ATF7IP2: variants seen among roughly 807,000 people sequenced by gnomAD.
ATF7IP2 encodes the protein activating transcription factor 7-interacting protein 2.
ATF7IP2 carries 42 observed loss-of-function variants against 64.2 expected under a neutral mutation model. The ratio of observed to expected loss-of-function variants is 0.65; its 90% CI spans 0.51 to 0.85. The LOEUF (loss-of-function observed/expected upper bound fraction) is 0.85. Ranked by LOEUF, ATF7IP2 falls within the 40% of genes least tolerant of loss-of-function variation. The pLI, the probability that ATF7IP2 is intolerant of heterozygous loss-of-function variation, is 0.00. For synonymous variants in ATF7IP2, 308 were observed against 272.8 expected, an observed-to-expected ratio of 1.13 and a Z score of -1.27; for missense variants, 933 against 784.2, an observed-to-expected ratio of 1.19 and a Z score of -2.27.
chr16:10,417,958 G>T (rs375886339), intron 2 of ATF7IP2, among the ~76,000 whole-genome samples: 1 of 152,200 alleles, frequency 6.6e-6, no homozygotes, highest in Non-Finnish European at 1.5e-5. Context: ...CACGTCGGTC[G>T]TGGAGACCCT....
At chr16:10,418,298 C>G (rs1037396283) in intron 2 of ATF7IP2, among the ~76,000 whole-genome samples, 1 of 152,204 alleles carries the variant, frequency 6.6e-6, no homozygotes, top group Non-Finnish European at 1.5e-5. Flanking sequence ...TTCTGGTAAA[C>G]CAACAACCTT....
intron 3 of ATF7IP2, among the ~76,000 whole-genome samples, chr16:10,423,046 C>T (rs1457291370): frequency 1.3e-5 from 2 of 152,206 alleles, no homozygotes; most frequent in African/African-American, 2.4e-5. Context: ...AGATCAAGAC[C>T]ATCCTGGCTA....
At chr16:10,481,529 A>G (rs1057088546) in intron 13 of ATF7IP2, among the ~76,000 whole-genome samples, 7 of 152,148 alleles carry the variant, frequency 4.6e-5, no homozygotes, top group Admixed American at 3.3e-4. Flanking sequence ...AGGTGAGGCA[A>G]TGCACCCAGC....
At chr16:10,455,249 G>C (rs1465694598) in intron 8 of ATF7IP2, among the ~76,000 whole-genome samples, 1 of 152,160 alleles carries the variant, frequency 6.6e-6, no homozygotes, top group Non-Finnish European at 1.5e-5. Context: ...TGGATTATCT[G>C]TGTGGGCTCA....
At chr16:10,394,083 A>C (rs967727127) in intron 1 of ATF7IP2, among the ~76,000 whole-genome samples, 1 of 152,222 alleles carries the variant, frequency 6.6e-6, no homozygotes, top group Non-Finnish European at 1.5e-5. Flanking sequence ...AAACAATCCC[A>C]TGAAATGGCA....
chr16:10,456,231 G>A (rs550350467), intron 8 of ATF7IP2, among the ~76,000 whole-genome samples: 7 of 152,284 alleles, frequency 4.6e-5, no homozygotes, highest in African/African-American at 1.4e-4. Context: ...GAAACAAACT[G>A]TTTAGCAGAA....
At chr16:10,428,038 G>A (rs1482417259) in intron 3 of ATF7IP2, among the ~76,000 whole-genome samples, 1 of 152,104 alleles carries the variant, frequency 6.6e-6, no homozygotes, top group East Asian at 1.9e-4. Context: ...ATTAGCTATA[G>A]TTTGCTCAAC....
intron 2 of ATF7IP2, among the ~76,000 whole-genome samples, chr16:10,417,192 A>C (rs1270760722): frequency 6.6e-6 from 1 of 151,814 alleles, no homozygotes; most frequent in Non-Finnish European, 1.5e-5. Flanking sequence ...ACAACTAGGT[A>C]ATAATCGATA....
At chr16:10,472,208 G>A in intron 10 of ATF7IP2, 25 bp downstream of exon 10, 2 of 1,281,466 alleles carry the variant, frequency 1.6e-6, no homozygotes, top group Non-Finnish European at 2.2e-6. Context: ...ATTAGAATAT[G>A]ATCTATCAAG....
intron 8 of ATF7IP2, among the ~76,000 whole-genome samples, chr16:10,442,249 C>T (rs1399267675): frequency 2.0e-5 from 3 of 152,170 alleles, no homozygotes; most frequent in Non-Finnish European, 4.4e-5. Flanking sequence ...GAGGGTGAAA[C>T]CCTTATGAAG....
chr16:10,429,772 TTTTAA>T (rs139599655), intron 4 of ATF7IP2, among the ~76,000 whole-genome samples: 18 of 146,946 alleles, frequency 1.2e-4, no homozygotes, highest in East Asian at 2.0e-4. Context: ...TTTTATTTTA[TTTTAA>T]TTTAATTTAA....
intron 13 of ATF7IP2, among the ~76,000 whole-genome samples, chr16:10,481,436 C>T (rs1198212145): frequency 6.6e-6 from 1 of 151,668 alleles, no homozygotes; most frequent in Non-Finnish European, 1.5e-5. Flanking sequence ...AGGCACGCAC[C>T]ACCACGCACA....
Position 10,430,567 on chromosome 16 carries a change from A to T in ATF7IP2, c.-10-44A>T, listed in dbSNP as rs146362528. On this transcript the variant is annotated intron_variant, in intron 4 of 13. Coordinates refer to ENST00000562102, the MANE Select transcript of ATF7IP2 (RefSeq NM_001393719.1). ...TTTAATTCAGTAGTAAATAACTTTTATTCACTAGAGAAATGCATTTAAATA... is the reference window on the plus strand; with the variant it reads ...TTTAATTCAGTAGTAAATAACTTTTTTTCACTAGAGAAATGCATTTAAATA... The T allele has an allele frequency of 6.9e-4, 859 of 1,235,992 alleles. 10 individuals are homozygous for T. The African/African-American group carries it at 0.011, about 16-fold the overall frequency. 76.6% of individuals were successfully genotyped at this position (1,235,992 alleles called of 1,614,324 possible). A position where few individuals can be genotyped will look rare whatever the true frequency, so the allele number is the denominator to read the frequency against.
rs561803252 is a variant in ATF7IP2 at position 10,432,535 on chromosome 16, G to A, written c.836-990G>A. On this transcript the variant is annotated intron_variant, in intron 5 of 13. Coordinates refer to ENST00000562102, the MANE Select transcript of ATF7IP2 (RefSeq NM_001393719.1). ...GCAGGAGGATCGCTTGAGCCATCCA[G>A]GCTAGCCTGGGCAACAGATCCAAGA... is the stretch of plus-strand genomic sequence containing the variant. 6.3e-4 allele frequency among the ~76,000 whole-genome samples: 96 copies of A among 152,192 alleles called. 1 individual carries two copies. Among genetic ancestry groups the A allele is most frequent in the African/African-American group, 2.1e-3 (86 of 41,528 alleles).
intron 9 of ATF7IP2, among the ~76,000 whole-genome samples, chr16:10,469,855 A>C (rs2049724017): frequency 6.6e-6 from 1 of 151,814 alleles, no homozygotes; most frequent in Non-Finnish European, 1.5e-5. Context: ...ACATCTCTAA[A>C]ATTGAGATCA....
Position 10,433,515 on chromosome 16 carries a change from T to C in ATF7IP2, c.836-10T>C. ...AATATCTTTCTTTCTAATCTTTTGA[T>C]CTCCTCAAGGCCATTATCAAAAGAA... On this transcript the variant is annotated splice_polypyrimidine_tract_variant and intron_variant, in intron 5 of 13. Transcript: ENST00000562102. 1.9e-6 allele frequency: 3 copies of C among 1,603,456 alleles called. No individual in the cohort carries two copies. The highest frequency in any genetic ancestry group is 1.7e-6 in the Non-Finnish European group (2 of 1,175,788).
intron 3 of ATF7IP2, among the ~76,000 whole-genome samples, chr16:10,423,158 G>A (rs573729418): frequency 5.9e-5 from 9 of 152,296 alleles, no homozygotes; most frequent in African/African-American, 1.9e-4. Context: ...GCAGGAGAAT[G>A]GCGTGAGCCT....
intron 8 of ATF7IP2, among the ~76,000 whole-genome samples, chr16:10,453,231 G>A (rs1390162465): frequency 6.6e-6 from 1 of 152,178 alleles, no homozygotes; most frequent in Non-Finnish European, 1.5e-5. Context: ...GCACCGGAGG[G>A]AATCTCCTGG....
At chr16:10,473,015 C>G (rs953092915) in intron 10 of ATF7IP2, among the ~76,000 whole-genome samples, 1 of 152,150 alleles carries the variant, frequency 6.6e-6, no homozygotes, top group Admixed American at 6.5e-5. Context: ...AATTTTAAAG[C>G]TTTGCCTCCA....
Sources: allele counts gnomAD v4.1 joint callset (sites outside exome capture counted in the v4.1 genomes callset), GRCh38; gene constraint gnomAD v4.1.1; transcripts MANE v1.5; gene names NCBI Gene and HGNC (gene_info 2026-07-23, HGNC 2026-07-21).